Variants in TG observed in about 807,000 individuals in gnomAD.
TG encodes the protein thyroglobulin.
TG carries 270 observed loss-of-function variants against 324.7 expected under a neutral mutation model. That is an observed-to-expected ratio of 0.83 (90% confidence interval 0.75 to 0.92). The LOEUF (loss-of-function observed/expected upper bound fraction) is 0.92, where lower values mean the gene tolerates loss of function less well. TG is among the 40% of genes least tolerant of loss of function. The pLI is 0.00. For synonymous variants in TG, 1,401 were observed against 1,327.0 expected, an observed-to-expected ratio of 1.06 and a Z score of -1.21; for missense variants, 3,591 against 3,456.4, an observed-to-expected ratio of 1.04 and a Z score of -0.98.
chr8:132,897,407 G>A (rs765625232), intron 11 of TG, among the ~76,000 whole-genome samples: 6 of 152,182 alleles, frequency 3.9e-5, no homozygotes, highest in Non-Finnish European at 7.4e-5. Context: ...GGAAGTTATT[G>A]TAGAGGTCTA....
At chr8:133,057,982 G>T (rs1841767084) in intron 41 of TG, among the ~76,000 whole-genome samples, 1 of 152,124 alleles carries the variant, frequency 6.6e-6, no homozygotes, top group African/African-American at 2.4e-5. Context: ...TGTGGGAGCT[G>T]GCTCTAATTG....
intron 30 of TG, 47 bp from the exon 31 acceptor site, chr8:132,967,747 C>A (rs775311115): frequency 4.4e-6 from 7 of 1,606,344 alleles, no homozygotes; most frequent in Non-Finnish European, 6.0e-6. Flanking sequence ...TTATTCTCCC[C>A]TGTAGACCCC....
Position 132,886,368 on chromosome 8 carries a change from A to G in TG, c.1076-80A>G, listed in dbSNP as rs1563908109. ...TGATTGAATGTTCTGGCTTCTTACT[A>G]CCTAAAGGATCTGAGGAGCTGTCTC... On this transcript the variant is annotated intron_variant, in intron 8 of 47. Coordinates refer to ENST00000220616, the MANE Select transcript of TG (RefSeq NM_003235.5). The G allele has an allele frequency of 3.8e-6, 6 of 1,582,742 alleles. No homozygotes were observed. In the East Asian group the frequency reaches 1.3e-4, roughly 35 times the overall value.
At chr8:132,882,095 C>G (rs1814723517) in intron 6 of TG, 126 bp downstream of exon 6, 1 of 711,806 alleles carries the variant, frequency 1.4e-6, no homozygotes, top group South Asian at 1.7e-5. Flanking sequence ...CTGCTGTGGG[C>G]ATTGAGGAGG....
rs144940759 is a variant in TG, at chr8:133,012,031, G to T, written c.6393G>T (p.Leu2131Phe). The change falls in exon 36 of 48, where the codon TTG becomes TTT. Residue 2131 changes from leucine to phenylalanine, a missense_variant. Coordinates refer to ENST00000220616, the MANE Select transcript of TG (RefSeq NM_003235.5). Reference protein sequence around the residue: ...SNFSAVRDLCLSECSQHEACL... With the variant: ...SNFSAVRDLCFSECSQHEACL... ...TCTCTGCTGTCCGAGACCTCTGTTTGTCGGGTAAGGGGAGTTTCCAACCCA... is the reference window on the plus strand; with the variant it reads ...TCTCTGCTGTCCGAGACCTCTGTTTTTCGGGTAAGGGGAGTTTCCAACCCA... 10 of 1,614,058 alleles carry T rather than the reference G, an allele frequency of 6.2e-6. No homozygotes were observed. The highest frequency in any genetic ancestry group is 8.5e-6 in the Non-Finnish European group (10 of 1,180,048).
At position 133,133,478 on chromosome 8, in the gene TG, A is replaced by G. The variant is rs775312304; in HGVS notation, c.8006A>G (p.Asn2669Ser). 7.4e-6 allele frequency: 12 copies of G among 1,614,042 alleles called. No individual in the cohort carries two copies. Among genetic ancestry groups the G allele is most frequent in the South Asian group, 2.2e-5 (2 of 91,094 alleles). ...TCTTCTCATTTGCCCAGAAATCCCAACTACCCTTATGAGTTCTCACGGAAA... is the reference window on the plus strand; with the variant it reads ...TCTTCTCATTTGCCCAGAAATCCCAGCTACCCTTATGAGTTCTCACGGAAA... ...FSHFIRSGNPNYPYEFSRKVP... is the reference protein window; with the variant it reads ...FSHFIRSGNPSYPYEFSRKVP... The change falls in exon 47 of 48, where the codon AAC becomes AGC. Residue 2669 changes from asparagine to serine, a missense_variant. Transcript: ENST00000220616.
intron 39 of TG, 68 bp downstream of exon 39, chr8:133,019,763 G>A (rs186324667): frequency 1.6e-5 from 22 of 1,385,802 alleles, no homozygotes; most frequent in Admixed American, 1.5e-4. Flanking sequence ...TGTCCCCACT[G>A]TGGCCAGCAC....
chr8:133,089,846 C>A (rs1265802950), intron 41 of TG: 2 of 152,190 alleles, frequency 1.3e-5, no homozygotes, highest in African/African-American at 4.8e-5. Context: ...GGTCACCCAC[C>A]CTGTTCCTCC....
chr8:132,950,551 T>G (rs141449972), intron 27 of TG, among the ~76,000 whole-genome samples: 2 of 152,222 alleles, frequency 1.3e-5, no homozygotes, highest in Admixed American at 6.5e-5. Context: ...CAGGGCTTAG[T>G]GCTTCCTCGA....
intron 41 of TG, chr8:133,050,207 C>A: frequency 3.6e-6 from 2 of 560,096 alleles, no homozygotes; most frequent in Non-Finnish European, 6.4e-6. Flanking sequence ...AACTGGTAAA[C>A]CCTCCCATGT....
At chr8:132,876,115 A>G (rs1465585056) in intron 5 of TG, among the ~76,000 whole-genome samples, 1 of 152,188 alleles carries the variant, frequency 6.6e-6, no homozygotes, top group Non-Finnish European at 1.5e-5. Flanking sequence ...GATTTCTGAA[A>G]AAATGGAATG....
rs181583508 is a variant in TG, at chr8:133,129,867, A to G, written c.7863-1945A>G. Reference sequence around the variant, plus strand: ...ATGAAACATCTCTCAAGAGAGATCCACCTATACACTTAACAGCATTTTATG... The same window carrying G: ...ATGAAACATCTCTCAAGAGAGATCCGCCTATACACTTAACAGCATTTTATG... On this transcript the variant is annotated intron_variant, in intron 45 of 47. Coordinates refer to ENST00000220616, the MANE Select transcript of TG (RefSeq NM_003235.5). Among the ~76,000 whole-genome samples the G allele has an allele frequency of 4.0e-4, 61 of 152,248 alleles. No individual in the cohort carries two copies. In the East Asian group the frequency reaches 0.01, roughly 26 times the overall value.
chr8:133,124,626 A>G (rs1249987741), intron 45 of TG, among the ~76,000 whole-genome samples: 9 of 152,212 alleles, frequency 5.9e-5, no homozygotes, highest in African/African-American at 2.2e-4. Context: ...TGTCCATTAA[A>G]CATCTGGCTC....
chr8:132,926,305 C>A (rs1392770508), intron 22 of TG, among the ~76,000 whole-genome samples: 1 of 152,210 alleles, frequency 6.6e-6, no homozygotes. Context: ...ACCTGCCTAA[C>A]TCATCTTCTT....
At chr8:133,001,408 G>A (rs1468868957) in intron 35 of TG, among the ~76,000 whole-genome samples, 1 of 152,172 alleles carries the variant, frequency 6.6e-6, no homozygotes, top group Non-Finnish European at 1.5e-5. Context: ...GCCCAGGAGT[G>A]TCTGCTGCAA....
At chr8:133,101,925 G>A (rs1187779876) in intron 43 of TG, among the ~76,000 whole-genome samples, 3 of 152,102 alleles carry the variant, frequency 2.0e-5, no homozygotes, top group Admixed American at 6.5e-5. Context: ...GAGTGTCCTG[G>A]GTGTCCTTGG....
chr8:133,102,854 T>A, intron 43 of TG: 1 of 356,020 alleles, frequency 2.8e-6, no homozygotes, highest in Non-Finnish European at 5.4e-6. Context: ...GCCCCTAAGC[T>A]TGGCCAGGAG....
Position 132,886,993 on chromosome 8 carries a change from G to T in TG, c.1621G>T (p.Asp541Tyr). The change falls in exon 9 of 48, where the codon GAT becomes TAT. Residue 541 changes from aspartate to tyrosine, a missense_variant. Transcript: ENST00000220616. Reference protein sequence around the residue: ...STGTPEAAKKDGTMNKPTVGS... With the variant: ...STGTPEAAKKYGTMNKPTVGS... Reference sequence around the variant, plus strand: ...AGGAACCCCTGAAGCTGCTAAGAAGGATGGTACTATGAATAAGCCAACTGT... The same window carrying T: ...AGGAACCCCTGAAGCTGCTAAGAAGTATGGTACTATGAATAAGCCAACTGT... The T allele has an allele frequency of 6.2e-7, 1 of 1,614,208 alleles. No individual in the cohort carries two copies. The highest frequency in any genetic ancestry group is 8.5e-7 in the Non-Finnish European group (1 of 1,180,034).
chr8:132,934,750 G>GT (rs1823313241), intron 24 of TG, among the ~76,000 whole-genome samples: 1 of 152,176 alleles, frequency 6.6e-6, no homozygotes, highest in Admixed American at 6.5e-5. Context: ...AAATTTGGCA[G>GT]CCTTGCGGGG....
Sources: gnomAD v4.1 joint callset for allele counts (sites outside exome capture counted in the v4.1 genomes callset) on GRCh38, gnomAD v4.1.1 for gene constraint, MANE v1.5 for transcripts, NCBI Gene and HGNC (gene_info 2026-07-23, HGNC 2026-07-21) for gene names.